Variants in TNIP1 observed in about 807,000 individuals in gnomAD.
TNIP1 encodes the protein TNFAIP3 interacting protein 1, also known as TNFAIP3-interacting protein 1.
TNIP1 carries 22 observed loss-of-function variants against 86.6 expected under a neutral mutation model. That is an observed-to-expected ratio of 0.25 (90% CI 0.18 to 0.36). TNIP1 has a LOEUF of 0.36. Ranked by LOEUF, TNIP1 falls within the 10% of genes least tolerant of loss-of-function variation. TNIP1 has a pLI of 1.00. For missense variants in TNIP1, 709 were observed against 820.6 expected, an observed-to-expected ratio of 0.86 and a Z score of 1.66; for synonymous variants, 294 against 313.0, an observed-to-expected ratio of 0.94 and a Z score of 0.64.
intron 5 of TNIP1, among the ~76,000 whole-genome samples, chr5:151,059,818 A>AGTGTGTGTGTGTGT (rs1561512723): frequency 1.9e-5 from 2 of 102,980 alleles, no homozygotes; most frequent in African/African-American, 1.0e-4. Context: ...AGAGAGAGAG[A>AGTGTGTGTGTGTGT]GAGAGAGAGA....
At chr5:151,060,856 A>G (rs1761471398) in intron 4 of TNIP1, among the ~76,000 whole-genome samples, 1 of 152,242 alleles carries the variant, frequency 6.6e-6, no homozygotes, top group African/African-American at 2.4e-5. Context: ...CATTCCTGCC[A>G]CGGCCCCAGA....
intron 5 of TNIP1, among the ~76,000 whole-genome samples, chr5:151,058,865 C>T (rs1761019473): frequency 6.6e-6 from 1 of 152,188 alleles, no homozygotes; most frequent in Non-Finnish European, 1.5e-5. Context: ...TGCTCTGCTG[C>T]ACTGACCTCC....
intron 8 of TNIP1, among the ~76,000 whole-genome samples, chr5:151,048,133 G>A (rs993780595): frequency 2.0e-5 from 3 of 152,170 alleles, no homozygotes; most frequent in South Asian, 4.1e-4. Flanking sequence ...TGAAATCTGC[G>A]GCATCTTGGA....
At position 151,032,143 on chromosome 5, in the gene TNIP1, C is replaced by T. The variant is rs1466688151; in HGVS notation, c.1876+144G>A. On this transcript the variant is annotated intron_variant, in intron 17 of 17. Coordinates refer to ENST00000521591, the MANE Select transcript of TNIP1 (RefSeq NM_006058.5). Reference sequence around the variant, plus strand: ...CCCTCACTCTGTGGTTGCCATTACTCTCCATTCAACACTGTTTTGGAAAGC... The same window carrying T: ...CCCTCACTCTGTGGTTGCCATTACTTTCCATTCAACACTGTTTTGGAAAGC... The T allele has an allele frequency of 1.8e-5, 12 of 660,384 alleles. No individual in the cohort carries two copies. In the East Asian group the frequency reaches 3.3e-4, roughly 18 times the overall value. The allele number at this position is 660,384 out of a possible 1,614,324, so 40.9% of individuals were successfully genotyped here. A position where few individuals can be genotyped will look rare whatever the true frequency, so the allele number is the denominator to read the frequency against.
At chr5:151,067,322 C>T (rs567785781) in intron 1 of TNIP1, among the ~76,000 whole-genome samples, 9 of 152,386 alleles carry the variant, frequency 5.9e-5, no homozygotes, top group South Asian at 2.1e-4. Flanking sequence ...TCTGTCCTCA[C>T]GAGGCTTGCC....
At chr5:151,035,805 T>C (rs1757624480) in intron 13 of TNIP1, 98 bp from the exon 14 acceptor site, 3 of 1,516,070 alleles carry the variant, frequency 2.0e-6, no homozygotes, top group Admixed American at 1.9e-5. Context: ...GGGTCACAGA[T>C]GGCAGAGCTG....
intron 1 of TNIP1, among the ~76,000 whole-genome samples, chr5:151,065,722 T>G (rs1762144939): frequency 6.6e-6 from 1 of 152,170 alleles, no homozygotes. Context: ...AAAGTTCCAT[T>G]TATATGTGTA....
At chr5:151,072,635 C>G (rs13160369) in intron 1 of TNIP1, among the ~76,000 whole-genome samples, 38,191 of 152,074 alleles carry the variant, frequency 0.25, 6,350 homozygotes, top group African/African-American at 0.48. Flanking sequence ...GAACCTGCAG[C>G]CTTCTCTATA....
At chr5:151,045,790 G>A (rs909090824) in intron 9 of TNIP1, 71 bp downstream of exon 9, 1 of 1,522,264 alleles carries the variant, frequency 6.6e-7, no homozygotes, top group African/African-American at 1.4e-5. Flanking sequence ...AGGAGGCCAG[G>A]GCAAGCCTTT....
intron 14 of TNIP1, 25 bp downstream of exon 14, chr5:151,035,557 C>T (rs1484384273): frequency 1.1e-5 from 18 of 1,614,122 alleles, no homozygotes; most frequent in Non-Finnish European, 1.4e-5. Flanking sequence ...GGCCAGTTGC[C>T]CTTCCTGGGT....
Position 151,033,814 on chromosome 5 carries a change from G to A in TNIP1, c.1588-15C>T, listed in dbSNP as rs1757261528. On this transcript the variant is annotated splice_polypyrimidine_tract_variant and intron_variant, in intron 15 of 17. Transcript: ENST00000521591. ...TCTCCTGAGGCCTGCAAGAAAGGCT[G>A]ACGTCTGGCTTTGGCCTGCAACAGG... 4 of 1,372,794 alleles carry A rather than the reference G, an allele frequency of 2.9e-6. No individual in the cohort carries two copies. The highest frequency in any genetic ancestry group is 5.5e-5 in the East Asian group (2 of 36,186). The allele number at this position is 1,372,794 out of a possible 1,614,324, so 85.0% of individuals were successfully genotyped here.
intron 9 of TNIP1, among the ~76,000 whole-genome samples, chr5:151,045,118 G>T (rs764404286): frequency 6.6e-6 from 1 of 151,958 alleles, no homozygotes; most frequent in Non-Finnish European, 1.5e-5. Context: ...TTGAGATGGG[G>T]TCTTGCTCTG....
intron 9 of TNIP1, among the ~76,000 whole-genome samples, chr5:151,044,981 T>C (rs1292228222): frequency 6.6e-6 from 1 of 152,222 alleles, no homozygotes; most frequent in Non-Finnish European, 1.5e-5. Flanking sequence ...ATCCACTCAG[T>C]ATTCTGTGGC....
intron 1 of TNIP1, among the ~76,000 whole-genome samples, chr5:151,074,592 C>T (rs1763171135): frequency 6.6e-6 from 1 of 152,098 alleles, no homozygotes; most frequent in African/African-American, 2.4e-5. Flanking sequence ...GTAATGGCTG[C>T]CAAGGAGCTA....
intron 17 of TNIP1, among the ~76,000 whole-genome samples, chr5:151,031,507 A>G (rs1367915648): frequency 2.0e-5 from 3 of 152,198 alleles, no homozygotes; most frequent in African/African-American, 7.2e-5. Context: ...CAGGCTCTTC[A>G]GCCTTTCATG....
At chr5:151,069,829 A>G (rs1051019493) in intron 1 of TNIP1, among the ~76,000 whole-genome samples, 1 of 152,118 alleles carries the variant, frequency 6.6e-6, no homozygotes, top group Non-Finnish European at 1.5e-5. Flanking sequence ...CAAGGGGAGG[A>G]GCATGGGCCA....
At chr5:151,058,376 G>T (rs555782971) in intron 5 of TNIP1, among the ~76,000 whole-genome samples, 1 of 152,344 alleles carries the variant, frequency 6.6e-6, no homozygotes, top group Non-Finnish European at 1.5e-5. Flanking sequence ...CCAGATAGTT[G>T]ACTCTTTCTC....
intron 11 of TNIP1, among the ~76,000 whole-genome samples, chr5:151,041,443 T>C (rs1156338851): frequency 6.6e-6 from 1 of 152,198 alleles, no homozygotes; most frequent in Non-Finnish European, 1.5e-5. Flanking sequence ...CAATCACAGC[T>C]CACTGAAGCT....
intron 5 of TNIP1, among the ~76,000 whole-genome samples, chr5:151,059,848 T>TGC (rs1761257315): frequency 9.8e-6 from 1 of 102,074 alleles, no homozygotes; most frequent in Non-Finnish European, 2.0e-5. Context: ...TGTGTGTGTG[T>TGC]GTGTGTGTGT....
Sources: gnomAD v4.1 joint callset for allele counts (sites outside exome capture counted in the v4.1 genomes callset) on GRCh38, gnomAD v4.1.1 for gene constraint, MANE v1.5 for transcripts, NCBI Gene and HGNC (gene_info 2026-07-23, HGNC 2026-07-21) for gene names.